Variants in AMN1 observed in about 807,000 individuals in gnomAD.
The protein encoded by AMN1 is protein AMN1 homolog.
Under a neutral mutation model 33.0 loss-of-function variants are expected in AMN1, and 20 were observed. The ratio of observed to expected loss-of-function variants is 0.61; its 90% CI spans 0.43 to 0.88. AMN1 has a LOEUF of 0.88. Ranked by LOEUF, AMN1 falls within the 40% of genes least tolerant of loss-of-function variation. The pLI is 0.00. For missense variants in AMN1, 246 were observed against 307.4 expected (o/e 0.80, Z 1.49); for synonymous variants, 114 against 111.9 (o/e 1.02, Z -0.12).
In AMN1 at chr12:31,671,837, G is replaced by T. The variant is rs1034558804; in HGVS notation, c.*467C>A. The T allele has an allele frequency of 6.5e-6, 1 of 153,128 alleles. No homozygotes were observed. The highest frequency in any genetic ancestry group is 1.9e-4 in the East Asian group (1 of 5,200). 9.5% of individuals were successfully genotyped at this position (153,128 alleles called of 1,614,324 possible). A position where few individuals can be genotyped will look rare whatever the true frequency, so the allele number is the denominator to read the frequency against. ...GTTCAGGTCTGCTTTTGGCAAATGG[G>T]CATTTAAATACTCCAAGAAGGTAAG... On this transcript the variant is annotated 3_prime_UTR_variant, in exon 7 of 7. Transcript: ENST00000281471.
chr12:31,697,242 C>A (rs940995247), intron 5 of AMN1, 119 bp downstream of exon 5: 1 of 746,312 alleles, frequency 1.3e-6, no homozygotes, highest in Non-Finnish European at 2.1e-6. Context: ...GAACACCCAC[C>A]AACAAAGTCC....
At chr12:31,673,753 A>T (rs1951329978) in intron 6 of AMN1, 2 of 326,054 alleles carry the variant, frequency 6.1e-6, no homozygotes, top group Non-Finnish European at 1.2e-5. Flanking sequence ...AAATCCAGCC[A>T]CTAGAAGAAA....
rs180833872 is a variant in AMN1 at position 31,725,382 on chromosome 12, T to G, written c.38+3589A>C. On this transcript the variant is annotated intron_variant, in intron 1 of 6. Transcript: ENST00000281471. ...GAAGTCAGCTAAAACTTATAATCTTTAAAAGCTGTAAAACAATTGGGGAGA... is the reference window on the plus strand; with the variant it reads ...GAAGTCAGCTAAAACTTATAATCTTGAAAAGCTGTAAAACAATTGGGGAGA... Among the ~76,000 whole-genome samples the G allele has an allele frequency of 3.3e-5, 5 of 152,330 alleles. No individual in the cohort carries two copies. The East Asian group carries it at 9.6e-4, about 29-fold the overall frequency.
At chr12:31,702,099 A>T (rs1329929271) in intron 2 of AMN1, 92 bp from the exon 3 acceptor site, 41 of 1,149,250 alleles carry the variant, frequency 3.6e-5, no homozygotes, top group Non-Finnish European at 4.9e-5. Flanking sequence ...CATAACAGAC[A>T]AGTGGCTGAT....
chr12:31,707,342 G>T (rs1358637431), intron 2 of AMN1, among the ~76,000 whole-genome samples: 1 of 152,098 alleles, frequency 6.6e-6, no homozygotes. Context: ...GGAGGTCAAG[G>T]GTACAGGTAC....
intron 6 of AMN1, among the ~76,000 whole-genome samples, chr12:31,682,437 A>G (rs1938058938): frequency 7.4e-6 from 1 of 134,232 alleles, no homozygotes; most frequent in Non-Finnish European, 1.5e-5. Context: ...CAGAAGGGGG[A>G]GGGTAAGAGA....
intron 4 of AMN1, 47 bp from the exon 5 acceptor site, chr12:31,697,464 A>T (rs1938781002): frequency 6.3e-7 from 1 of 1,580,504 alleles, no homozygotes. Context: ...CAGACAACGG[A>T]AGTAGAATTT....
chr12:31,728,967 TCA>T lies in AMN1; in HGVS notation c.38+2_38+3del. 3 of 1,546,462 alleles carry T rather than the reference TCA, an allele frequency of 1.9e-6. No homozygotes were observed. Among genetic ancestry groups the T allele is most frequent in the Non-Finnish European group, 1.7e-6 (2 of 1,143,964 alleles). Reference sequence around the variant, plus strand: ...CGAAGGGAGGCGGGACAGGGTAGACTCACAGATCCAGGAGCTGACTGACCCGC... The same window carrying T: ...CGAAGGGAGGCGGGACAGGGTAGACTCAGATCCAGGAGCTGACTGACCCGC... On this transcript the variant is annotated splice_donor_variant and splice_donor_region_variant and intron_variant, in intron 1 of 6. Coordinates refer to ENST00000281471, the MANE Select transcript of AMN1 (RefSeq NM_001113402.2). LOFTEE classifies it high-confidence loss of function.
chr12:31,722,129 TGACACACA>T (rs775230587), intron 1 of AMN1, among the ~76,000 whole-genome samples: 5 of 94,220 alleles, frequency 5.3e-5, no homozygotes, highest in Middle Eastern at 5.0e-3. Context: ...ATCAGGCCTT[TGACACACA>T]CACACACACA....
At chr12:31,675,133 G>A (rs1951360609) in intron 6 of AMN1, among the ~76,000 whole-genome samples, 1 of 149,336 alleles carries the variant, frequency 6.7e-6, no homozygotes, top group Non-Finnish European at 1.5e-5. Flanking sequence ...AAAACCCATA[G>A]ATGGCAGGAT....
intron 1 of AMN1, among the ~76,000 whole-genome samples, chr12:31,717,137 G>A (rs901994508): frequency 6.6e-6 from 1 of 152,048 alleles, no homozygotes; most frequent in Non-Finnish European, 1.5e-5. Context: ...CCCGGTGTGT[G>A]TTGTTCCCCT....
chr12:31,703,187 G>A (rs1939083670), intron 2 of AMN1, among the ~76,000 whole-genome samples: 1 of 152,158 alleles, frequency 6.6e-6, no homozygotes, highest in Non-Finnish European at 1.5e-5. Context: ...ATAGCCAAAA[G>A]GAGTGGAGCT....
chr12:31,726,449 C>T (rs1365408257), intron 1 of AMN1, among the ~76,000 whole-genome samples: 1 of 152,212 alleles, frequency 6.6e-6, no homozygotes, highest in Non-Finnish European at 1.5e-5. Flanking sequence ...GCGTGAGCCA[C>T]GGCCCCCAAC....
chr12:31,711,054 C>T (rs1005617105), intron 1 of AMN1, among the ~76,000 whole-genome samples: 2 of 152,080 alleles, frequency 1.3e-5, no homozygotes, highest in African/African-American at 2.4e-5. Flanking sequence ...AGACTATAGG[C>T]GTGTGCCACC....
chr12:31,711,074 TA>T (rs1390531329), intron 1 of AMN1, among the ~76,000 whole-genome samples: 1 of 152,144 alleles, frequency 6.6e-6, no homozygotes, highest in African/African-American at 2.4e-5. Flanking sequence ...CATGCCTGGC[TA>T]ATTTTTGTAT....
chr12:31,688,250 G>A (rs925944400), intron 6 of AMN1, among the ~76,000 whole-genome samples: 7 of 152,118 alleles, frequency 4.6e-5, no homozygotes, highest in African/African-American at 7.2e-5. Context: ...CACCACGCCC[G>A]GCTATTCTGA....
chr12:31,710,852 A>G (rs1167324856), intron 1 of AMN1, among the ~76,000 whole-genome samples: 1 of 152,188 alleles, frequency 6.6e-6, no homozygotes, highest in Admixed American at 6.6e-5. Flanking sequence ...TCATATTTCT[A>G]TTAGTAGTGT....
Position 31,685,674 on chromosome 12 carries a change from G to A in AMN1, c.703+3333C>T, listed in dbSNP as rs528520253. On this transcript the variant is annotated intron_variant, in intron 6 of 6. Coordinates refer to ENST00000281471, the MANE Select transcript of AMN1 (RefSeq NM_001113402.2). ...AAATTAGCCAGACCTGGTGGCGGGC[G>A]TCTGTAATCCCAGCTACTTGGGAGG... is the stretch of plus-strand genomic sequence containing the variant. Among the ~76,000 whole-genome samples, 1,113 of 151,926 alleles carry A rather than the reference G, an allele frequency of 7.3e-3. 18 individuals carry two copies. The highest frequency in any genetic ancestry group is 0.025 in the African/African-American group (1,052 of 41,468).
Position 31,687,545 on chromosome 12 carries a change from T to C in AMN1, c.703+1462A>G, listed in dbSNP as rs1330945505. ...TAAAAATACAAAAATTAGTTGGATG[T>C]GGTGGCATGCGCCTGTAGTCCCAGC... On this transcript the variant is annotated intron_variant, in intron 6 of 6. Transcript: ENST00000281471. The surrounding 1 kb of genome is among the most constrained non-coding windows in gnomAD (Gnocchi z 4.1). 2.0e-5 allele frequency among the ~76,000 whole-genome samples: 3 copies of C among 151,978 alleles called. No homozygotes were observed. The highest frequency in any genetic ancestry group is 7.3e-5 in the African/African-American group (3 of 41,372).
Sources: gnomAD v4.1 joint callset for allele counts (sites outside exome capture counted in the v4.1 genomes callset) on GRCh38, gnomAD v4.1.1 for gene constraint, Gnocchi (gnomAD v3.1) non-coding constraint, MANE v1.5 for transcripts, NCBI Gene and HGNC (gene_info 2026-07-23, HGNC 2026-07-21) for gene names.